FHIP1A: variants seen among roughly 807,000 people sequenced by gnomAD.
FHIP1A encodes the protein FHF complex subunit HOOK interacting protein 1A, also known as FHF complex subunit HOOK-interacting protein 1A.
FHIP1A carries 61 observed loss-of-function variants against 88.6 expected under a neutral mutation model. The ratio of observed to expected loss-of-function variants is 0.69; its 90% CI spans 0.56 to 0.85. The LOEUF (loss-of-function observed/expected upper bound fraction) is 0.85, where lower values mean the gene tolerates loss of function less well. FHIP1A is among the 40% of genes least tolerant of loss of function. FHIP1A has a pLI of 0.00. For missense variants in FHIP1A, 1,154 were observed against 1,273.5 expected, an observed-to-expected ratio of 0.91 and a Z score of 1.43; for synonymous variants, 478 against 496.0, an observed-to-expected ratio of 0.96 and a Z score of 0.48.
chr4:151,477,270 C>T lies in FHIP1A; in HGVS notation c.-247-5254C>T, dbSNP rs138338886. 7.2e-5 allele frequency among the ~76,000 whole-genome samples: 11 copies of T among 152,198 alleles called. No individual in the cohort carries two copies. In the East Asian group the frequency reaches 1.2e-3, roughly 16 times the overall value. ...AATAAAGGTGGTATTTCAAATTAGT[C>T]GGGTAAAGTTGCTCAGTTCCATAAC... On this transcript the variant is annotated intron_variant, in intron 2 of 13. Coordinates refer to ENST00000435205, the MANE Select transcript of FHIP1A (RefSeq NM_001109977.3).
intron 3 of FHIP1A, among the ~76,000 whole-genome samples, chr4:151,521,803 C>A (rs567421866): frequency 1.3e-5 from 2 of 152,280 alleles, no homozygotes; most frequent in South Asian, 4.1e-4. Flanking sequence ...CAGCTCACTG[C>A]AGCCTTGGCC....
At chr4:151,604,253 C>T (rs1263229669) in intron 7 of FHIP1A, among the ~76,000 whole-genome samples, 2 of 152,046 alleles carry the variant, frequency 1.3e-5, no homozygotes, top group Non-Finnish European at 2.9e-5. Context: ...TGGCAGCTCT[C>T]GGTGCCCATG....
intron 7 of FHIP1A, among the ~76,000 whole-genome samples, chr4:151,616,400 C>A (rs1336131241): frequency 2.0e-5 from 3 of 151,430 alleles, no homozygotes; most frequent in Non-Finnish European, 4.4e-5. Context: ...CATTATAGAA[C>A]CTGTGGTGGG....
intron 4 of FHIP1A, among the ~76,000 whole-genome samples, chr4:151,572,867 C>G (rs1422159114): frequency 6.6e-6 from 1 of 152,114 alleles, no homozygotes; most frequent in African/African-American, 2.4e-5. Context: ...GAGAGAAACA[C>G]TTGTGTTTAT....
At position 151,666,039 on chromosome 4, in the gene FHIP1A, C is replaced by A. The variant is rs2126940169; in HGVS notation, c.*3285C>A. Among the ~76,000 whole-genome samples the A allele has an allele frequency of 6.6e-6, 1 of 152,356 alleles. No individual in the cohort carries two copies. The highest frequency in any genetic ancestry group is 2.4e-5 in the African/African-American group (1 of 41,588). On this transcript the variant is annotated 3_prime_UTR_variant, in exon 14 of 14. Transcript: ENST00000435205. ...GAGTATCACAACATTAACCTCAATT[C>A]ATAATTCAGGGCCCGACTTAAAGTT...
At chr4:151,537,520 G>T (rs1732113211) in intron 3 of FHIP1A, among the ~76,000 whole-genome samples, 1 of 152,104 alleles carries the variant, frequency 6.6e-6, no homozygotes, top group African/African-American at 2.4e-5. Context: ...TATGTGGTTT[G>T]CAGATATTTT....
chr4:151,587,449 T>C (rs1017382859), intron 6 of FHIP1A, among the ~76,000 whole-genome samples: 4 of 152,078 alleles, frequency 2.6e-5, no homozygotes, highest in Non-Finnish European at 5.9e-5. Context: ...TAGTTCCATA[T>C]AGCATAAATA....
In FHIP1A at chr4:151,639,993, A is replaced by C. The variant is rs138461038; in HGVS notation, c.1226+1237A>C. 2.5e-3 allele frequency among the ~76,000 whole-genome samples: 385 copies of C among 152,332 alleles called. 3 individuals are homozygous for C. The highest frequency in any genetic ancestry group is 2.3e-3 in the South Asian group (11 of 4,830). On this transcript the variant is annotated intron_variant, in intron 9 of 13. Coordinates refer to ENST00000435205, the MANE Select transcript of FHIP1A (RefSeq NM_001109977.3). ...GAGGTTACTGAGAAGAAGACATTCC[A>C]GGTGGATGCACTAGCATTTCCAAAT... is the stretch of plus-strand genomic sequence containing the variant.
intron 3 of FHIP1A, among the ~76,000 whole-genome samples, chr4:151,526,969 G>A (rs893211483): frequency 1.1e-4 from 16 of 151,400 alleles, no homozygotes; most frequent in Non-Finnish European, 1.2e-4. Flanking sequence ...ATGGGATGGC[G>A]GCTGGGAAGA....
In FHIP1A at chr4:151,566,307, C is replaced by G. The variant is rs1560772699; in HGVS notation, c.48C>G (p.Ser16Arg). The change falls in exon 4 of 14, where the codon AGC (serine) becomes AGG (arginine). Residue 16 changes from serine to arginine, a missense_variant. Ser to Arg is a moderately radical substitution (Grantham distance 110). Transcript: ENST00000435205. ...STESKLQQAVSLQGVDPETCM... is the reference protein window; with the variant it reads ...STESKLQQAVRLQGVDPETCM... Reference sequence around the variant, plus strand: ...AAAGCAAACTCCAGCAGGCTGTGAGCCTACAGGGAGTTGACCCAGAAACAT... The same window carrying G: ...AAAGCAAACTCCAGCAGGCTGTGAGGCTACAGGGAGTTGACCCAGAAACAT... 4.5e-6 allele frequency: 7 copies of G among 1,550,890 alleles called. No homozygotes were observed. The highest frequency in any genetic ancestry group is 2.6e-6 in the Non-Finnish European group (3 of 1,146,368).
intron 7 of FHIP1A, among the ~76,000 whole-genome samples, chr4:151,612,009 C>T (rs1735340491): frequency 6.6e-6 from 1 of 152,184 alleles, no homozygotes; most frequent in African/African-American, 2.4e-5. Flanking sequence ...ATTTGTAGAA[C>T]TTTAGTACTA....
At chr4:151,425,822 T>C (rs1010229638) in intron 1 of FHIP1A, among the ~76,000 whole-genome samples, 1 of 152,148 alleles carries the variant, frequency 6.6e-6, no homozygotes, top group Non-Finnish European at 1.5e-5. Flanking sequence ...CTCCTCTACA[T>C]GTGTCCCTGT....
At chr4:151,464,217 T>C (rs760926007) in intron 2 of FHIP1A, among the ~76,000 whole-genome samples, 27 of 152,156 alleles carry the variant, frequency 1.8e-4, no homozygotes, top group Non-Finnish European at 2.6e-4. Flanking sequence ...AATGTGTCAT[T>C]TAGCCAGTGA....
intron 7 of FHIP1A, among the ~76,000 whole-genome samples, chr4:151,594,119 T>C (rs1734553580): frequency 6.6e-6 from 1 of 152,222 alleles, no homozygotes; most frequent in East Asian, 1.9e-4. Context: ...GCTGACTTGA[T>C]CGTGGTGGAT....
chr4:151,472,916 G>A (rs1217496323), intron 2 of FHIP1A, among the ~76,000 whole-genome samples: 1 of 152,046 alleles, frequency 6.6e-6, no homozygotes, highest in Non-Finnish European at 1.5e-5. Context: ...CAAGACCATT[G>A]CACAATAAAC....
chr4:151,553,011 T>A (rs1371472698), intron 3 of FHIP1A, among the ~76,000 whole-genome samples: 1 of 152,118 alleles, frequency 6.6e-6, no homozygotes, highest in Non-Finnish European at 1.5e-5. Context: ...TTCTAGTGTT[T>A]AATTCCAAAC....
At chr4:151,635,148 G>A (rs1736302027) in intron 8 of FHIP1A, among the ~76,000 whole-genome samples, 1 of 151,800 alleles carries the variant, frequency 6.6e-6, no homozygotes, top group African/African-American at 2.4e-5. Context: ...AAAGATTAGA[G>A]AAGTACAAAT....
Position 151,650,282 on chromosome 4 carries a change from G to A in FHIP1A, c.2241G>A (p.Glu747=). ...CTAACCTGACAGCCGCCCACCCGGA[G>A]AGCGAGGAGCTCATTGCCCAGTATG... ...HSSNLTAAHP[E]SEELIAQYDQ... The change falls in exon 11 of 14, where the codon GAG becomes GAA. Residue 747 remains glutamate (E), a synonymous_variant. Transcript: ENST00000435205. The A allele has an allele frequency of 1.3e-6, 2 of 1,551,744 alleles. No individual in the cohort carries two copies. The highest frequency in any genetic ancestry group is 8.7e-7 in the Non-Finnish European group (1 of 1,147,002).
intron 3 of FHIP1A, among the ~76,000 whole-genome samples, chr4:151,528,196 T>G (rs913928756): frequency 3.9e-5 from 6 of 152,188 alleles, no homozygotes; most frequent in African/African-American, 1.4e-4. Flanking sequence ...TGAGTAGTGG[T>G]CTGACGAAAA....
Sources: allele counts gnomAD v4.1 joint callset (sites outside exome capture counted in the v4.1 genomes callset), GRCh38; gene constraint gnomAD v4.1.1; transcripts MANE v1.5; gene names NCBI Gene and HGNC (gene_info 2026-07-23, HGNC 2026-07-21).